Variants in TRAPPC8 observed in about 807,000 individuals in gnomAD.
TRAPPC8 encodes trafficking protein particle complex subunit 8.
A neutral mutation model predicts 174.3 loss-of-function variants in TRAPPC8; 54 were observed. The observed-to-expected ratio is 0.31, with a 90% confidence interval of 0.25 to 0.39. The LOEUF (loss-of-function observed/expected upper bound fraction) is 0.39. TRAPPC8 is among the 10% of genes least tolerant of loss of function. The probability of loss-of-function intolerance (pLI) is 1.00; values close to 1 mark genes in which losing one functional copy is unlikely to be tolerated. For missense variants in TRAPPC8, 1,531 were observed against 1,699.1 expected, an observed-to-expected ratio of 0.90 and a Z score of 1.74; for synonymous variants, 630 against 579.9, an observed-to-expected ratio of 1.09 and a Z score of -1.24.
At chr18:31,925,878 T>A (rs550981697) in intron 2 of TRAPPC8, among the ~76,000 whole-genome samples, 7 of 152,332 alleles carry the variant, frequency 4.6e-5, no homozygotes, top group African/African-American at 1.7e-4. Context: ...ATCAATCAAG[T>A]ATATAAAATA....
chr18:31,891,861 T>C (rs977553771), intron 11 of TRAPPC8, among the ~76,000 whole-genome samples: 2 of 152,204 alleles, frequency 1.3e-5, no homozygotes, highest in South Asian at 2.1e-4. Flanking sequence ...CATAGAATTA[T>C]ACTAGAGCTG....
chr18:31,906,805 A>T (rs560471393), intron 9 of TRAPPC8, among the ~76,000 whole-genome samples: 1 of 152,344 alleles, frequency 6.6e-6, no homozygotes, highest in East Asian at 1.9e-4. Context: ...TGCTAAGTGC[A>T]TGCTTTATAC....
Position 31,890,812 on chromosome 18 carries a change from T to C in TRAPPC8, c.1651A>G (p.Asn551Asp). Reference protein sequence around the residue: ...LLEQAAHCFINMKSPMVRKYA... With the variant: ...LLEQAAHCFIDMKSPMVRKYA... Reference sequence around the variant, plus strand: ...TTTCTAACCATGGGACTTTTCATGTTTATAAAGCAATGTGCTGCCTGTTCC... The same window carrying C: ...TTTCTAACCATGGGACTTTTCATGTCTATAAAGCAATGTGCTGCCTGTTCC... The change falls in exon 12 of 29, where the codon AAC becomes GAC. Residue 551 changes from asparagine (N) to aspartate (D), a missense_variant. Physicochemically the swap from Asn to Asp is conservative, Grantham distance 23. Coordinates refer to ENST00000283351, the MANE Select transcript of TRAPPC8 (RefSeq NM_014939.5). 6.2e-7 allele frequency: 1 copy of C among 1,612,846 alleles called. No homozygotes were observed. Among genetic ancestry groups the C allele is most frequent in the Non-Finnish European group, 8.5e-7 (1 of 1,179,236 alleles).
At chr18:31,872,250 A>C (rs2034904906) in intron 14 of TRAPPC8, among the ~76,000 whole-genome samples, 1 of 152,168 alleles carries the variant, frequency 6.6e-6, no homozygotes, top group South Asian at 2.1e-4. Flanking sequence ...GAAGAGCTTA[A>C]TATATTTATA....
At chr18:31,882,676 G>A (rs2035513754) in intron 12 of TRAPPC8, among the ~76,000 whole-genome samples, 1 of 151,834 alleles carries the variant, frequency 6.6e-6, no homozygotes, top group Admixed American at 6.6e-5. Context: ...GAGTGAAGTG[G>A]CACGATCTCG....
chr18:31,935,049 A>G (rs2038022104), intron 1 of TRAPPC8, among the ~76,000 whole-genome samples: 1 of 151,950 alleles, frequency 6.6e-6, no homozygotes, highest in South Asian at 2.1e-4. Flanking sequence ...AAACTGTACA[A>G]AGAAAACAGG....
intron 10 of TRAPPC8, 48 bp downstream of exon 10, chr18:31,900,877 A>C (rs754162910): frequency 3.5e-6 from 5 of 1,444,898 alleles, no homozygotes; most frequent in Non-Finnish European, 4.7e-6. Flanking sequence ...AAAAAAGAAC[A>C]AACTGACCTT....
chr18:31,885,979 CTA>C (rs2035691550), intron 12 of TRAPPC8, among the ~76,000 whole-genome samples: 1 of 151,756 alleles, frequency 6.6e-6, no homozygotes, highest in African/African-American at 2.4e-5. Context: ...TGCAACTTTT[CTA>C]TAAACTTGAG....
intron 5 of TRAPPC8, among the ~76,000 whole-genome samples, chr18:31,911,925 T>C (rs2036929299): frequency 6.7e-6 from 1 of 148,768 alleles, no homozygotes; most frequent in Non-Finnish European, 1.5e-5. Context: ...GACTCTCGAT[T>C]ATCTGAACTA....
intron 24 of TRAPPC8, among the ~76,000 whole-genome samples, chr18:31,851,295 T>G (rs1342623291): frequency 6.6e-6 from 1 of 152,096 alleles, no homozygotes; most frequent in Admixed American, 6.5e-5. Flanking sequence ...CAACCAGAGC[T>G]TTAGAGGTAG....
Position 31,908,863 on chromosome 18 carries a change from G to A in TRAPPC8, c.1013C>T (p.Ala338Val), listed in dbSNP as rs1382806284. 4 of 1,613,612 alleles carry A rather than the reference G, an allele frequency of 2.5e-6. No individual in the cohort carries two copies. The highest frequency in any genetic ancestry group is 2.2e-5 in the East Asian group (1 of 44,860). The change falls in exon 7 of 29, where the codon GCA becomes GTA. Residue 338 changes from alanine to valine, a missense_variant. Physicochemically the swap from Ala to Val is moderately conservative, Grantham distance 64 (BLOSUM62 0). Transcript: ENST00000283351. ...KKGNTGIIHGACLTLTDHDRI... is the reference protein window; with the variant it reads ...KKGNTGIIHGVCLTLTDHDRI... ...ATCATGATCAGTAAGTGTTAAACAT[G>A]CACCATGAATTATTCCAGTATTTCC...
At chr18:31,916,161 A>C in intron 4 of TRAPPC8, 111 bp downstream of exon 4, 1 of 790,244 alleles carries the variant, frequency 1.3e-6, no homozygotes, top group Non-Finnish European at 1.8e-6. Flanking sequence ...AATTCACATT[A>C]AACTTTTACA....
At chr18:31,909,240 A>G (rs2145488741) in intron 6 of TRAPPC8, among the ~76,000 whole-genome samples, 1 of 152,160 alleles carries the variant, frequency 6.6e-6, no homozygotes, top group Middle Eastern at 3.4e-3. Flanking sequence ...ATCGGTATAA[A>G]CCAGGAAATG....
chr18:31,849,623 A>G lies in TRAPPC8; in HGVS notation c.3678T>C (p.Ala1226=), dbSNP rs898327553. The G allele has an allele frequency of 1.2e-6, 2 of 1,613,164 alleles. No individual in the cohort carries two copies. Among genetic ancestry groups the G allele is most frequent in the Non-Finnish European group, 8.5e-7 (1 of 1,179,700 alleles). ...VHTEKQSTED[A]VRLIQKCSEV... ...CACTGCATTTTTGAATCAATCTCAC[A>G]GCATCCTCTGTTGACTGTTTTTCTG... The change falls in exon 25 of 29, where the codon GCT becomes GCC. Residue 1226 remains alanine (A), a synonymous_variant. Transcript: ENST00000283351.
At chr18:31,909,556 T>G in intron 6 of TRAPPC8, 111 bp downstream of exon 6, 1 of 1,450,708 alleles carries the variant, frequency 6.9e-7, no homozygotes, top group Non-Finnish European at 9.0e-7. Flanking sequence ...GCCCAATATC[T>G]TTCTGTATTA....
At chr18:31,882,445 C>T (rs1328603156) in intron 12 of TRAPPC8, among the ~76,000 whole-genome samples, 2 of 151,720 alleles carry the variant, frequency 1.3e-5, no homozygotes, top group Non-Finnish European at 2.9e-5. Context: ...ACACTGGGCA[C>T]ACCAAAAGGG....
At chr18:31,849,867 A>G (rs2033616412) in intron 24 of TRAPPC8, 128 bp from the exon 25 acceptor site, 3 of 753,986 alleles carry the variant, frequency 4.0e-6, no homozygotes, top group Non-Finnish European at 3.9e-6. Context: ...ATACATACCC[A>G]AAATACTTAT....
At chr18:31,873,729 G>T in intron 13 of TRAPPC8, 191 bp from the exon 14 acceptor site, 1 of 453,110 alleles carries the variant, frequency 2.2e-6, no homozygotes, top group Non-Finnish European at 4.0e-6. Context: ...TATTTATTCT[G>T]CCTCAAAAGA....
At position 31,839,169 on chromosome 18, in the gene TRAPPC8, T is replaced by C. The variant is rs528674744; in HGVS notation, c.3983+143A>G. 393 of 660,492 alleles carry C rather than the reference T, an allele frequency of 6.0e-4. 1 individual carries two copies. The highest frequency in any genetic ancestry group is 7.8e-4 in the Non-Finnish European group (334 of 428,620). 40.9% of individuals were successfully genotyped at this position (660,492 alleles called of 1,614,324 possible). On this transcript the variant is annotated intron_variant, in intron 27 of 28. Coordinates refer to ENST00000283351, the MANE Select transcript of TRAPPC8 (RefSeq NM_014939.5). Reference sequence around the variant, plus strand: ...ACTGATATTGTCTAAACTTGAACTGTTTAGTTCAAGTATTCTATAGACTCA... The same window carrying C: ...ACTGATATTGTCTAAACTTGAACTGCTTAGTTCAAGTATTCTATAGACTCA...
Sources: allele counts gnomAD v4.1 joint callset (sites outside exome capture counted in the v4.1 genomes callset), GRCh38; gene constraint gnomAD v4.1.1; transcripts MANE v1.5; gene names NCBI Gene and HGNC (gene_info 2026-07-23, HGNC 2026-07-21).